RNF20: variants seen among roughly 807,000 people sequenced by gnomAD.
RNF20 encodes the protein E3 ubiquitin-protein ligase BRE1A.
In RNF20, 84 loss-of-function variants were observed where a neutral mutation model predicts 126.2. The ratio of observed to expected loss-of-function variants is 0.67; its 90% CI spans 0.56 to 0.80. The LOEUF (loss-of-function observed/expected upper bound fraction) is 0.80, where lower values mean the gene tolerates loss of function less well. Among genes scored for constraint, RNF20 ranks in the 30% least tolerant of loss-of-function variants. The probability of loss-of-function intolerance (pLI) is 0.00; values close to 1 mark genes in which losing one functional copy is unlikely to be tolerated. For missense variants in RNF20, 869 were observed against 1,188.2 expected (o/e 0.73, Z 3.95); for synonymous variants, 400 against 414.3 (o/e 0.97, Z 0.42).
At chr9:101,551,460 C>G (rs1827443368) in intron 10 of RNF20, among the ~76,000 whole-genome samples, 1 of 151,978 alleles carries the variant, frequency 6.6e-6, no homozygotes, top group Non-Finnish European at 1.5e-5. Flanking sequence ...TGTTTATATA[C>G]TGTTTTATAG....
rs1361649826 is a variant in RNF20, at chr9:101,535,491, C to T, written c.68C>T (p.Ala23Val). Residue 23 changes from alanine to valine, a missense_variant, in exon 2 of 20, where the codon GCA (alanine) becomes GTA (valine). Transcript: ENST00000389120. Reference protein sequence around the residue: ...PGTSMPPEKKAAVEDSGTTVE... With the variant: ...PGTSMPPEKKVAVEDSGTTVE... ...ACCTCCATGCCTCCTGAGAAGAAGG[C>T]AGCTGTTGAAGATTCAGGGACCACA... 1.2e-6 allele frequency: 2 copies of T among 1,613,766 alleles called. No homozygotes were observed. Among genetic ancestry groups the T allele is most frequent in the Non-Finnish European group, 1.7e-6 (2 of 1,179,880 alleles).
At chr9:101,557,656 T>C in intron 16 of RNF20, 60 bp downstream of exon 16, 3 of 1,278,692 alleles carry the variant, frequency 2.3e-6, no homozygotes, top group Non-Finnish European at 3.3e-6. Flanking sequence ...TACATGATGA[T>C]ATAAGTAAAA....
At chr9:101,540,425 A>G (rs1299158724) in intron 3 of RNF20, 55 bp downstream of exon 3, 1 of 1,611,398 alleles carries the variant, frequency 6.2e-7, no homozygotes, top group African/African-American at 1.3e-5. Context: ...AGTTCTCCTT[A>G]CTGTTCTCTT....
intron 5 of RNF20, among the ~76,000 whole-genome samples, chr9:101,542,233 T>A (rs1197399142): frequency 6.6e-6 from 1 of 152,250 alleles, no homozygotes; most frequent in African/African-American, 2.4e-5. Flanking sequence ...CTTTTGCTTT[T>A]CCATTAGATT....
chr9:101,552,095 T>C, intron 11 of RNF20, 46 bp from the exon 12 acceptor site: 2 of 1,613,390 alleles, frequency 1.2e-6, no homozygotes, highest in Non-Finnish European at 1.7e-6. Flanking sequence ...CTTGTGCCTT[T>C]GCCCTTACCA....
chr9:101,535,489 GGCAGCT>G lies in RNF20; in HGVS notation c.68_73del (p.Ala23_Ala24del). 6.2e-7 allele frequency: 1 copy of G among 1,614,018 alleles called. No individual in the cohort carries two copies. Among genetic ancestry groups the G allele is most frequent in the Non-Finnish European group, 8.5e-7 (1 of 1,179,946 alleles). ...GCACCTCCATGCCTCCTGAGAAGAA[GGCAGCT>G]GTTGAAGATTCAGGGACCACAGTGG... On this transcript the variant is annotated inframe_deletion, in exon 2 of 20. Coordinates refer to ENST00000389120, the MANE Select transcript of RNF20 (RefSeq NM_019592.7).
At chr9:101,551,280 C>A (rs919061990) in intron 10 of RNF20, among the ~76,000 whole-genome samples, 3 of 152,120 alleles carry the variant, frequency 2.0e-5, no homozygotes. Flanking sequence ...AAATTACTTA[C>A]ATTTCTTAAA....
intron 18 of RNF20, chr9:101,561,600 C>G: frequency 2.4e-6 from 1 of 410,282 alleles, no homozygotes; most frequent in Non-Finnish European, 4.4e-6. Flanking sequence ...TATTTTAAAC[C>G]GTTCTACCTT....
At chr9:101,550,200 G>C (rs912844901) in intron 9 of RNF20, among the ~76,000 whole-genome samples, 1 of 152,200 alleles carries the variant, frequency 6.6e-6, no homozygotes, top group Non-Finnish European at 1.5e-5. Flanking sequence ...AAATCAGATA[G>C]TTGCTTAGGA....
Position 101,557,446 on chromosome 9 carries a change from G to A in RNF20, c.2232G>A (p.Glu744=), listed in dbSNP as rs1827552172. Residue 744 remains glutamate (E), a synonymous_variant, in exon 16 of 20, where the codon GAG becomes GAA. Transcript: ENST00000389120. ...GCCAGGCCTTTGAAGACATGCAGGA[G>A]CAAAATATCCGTTTGATGCAGCAAT... ...VTGQAFEDMQ[E]QNIRLMQQLR... is the part of the protein sequence containing the mutation. 4 of 1,613,882 alleles carry A rather than the reference G, an allele frequency of 2.5e-6. No individual in the cohort carries two copies. In the South Asian group the frequency reaches 3.3e-5, roughly 13 times the overall value.
At chr9:101,547,992 C>G (rs1212353516) in intron 9 of RNF20, among the ~76,000 whole-genome samples, 1 of 151,960 alleles carries the variant, frequency 6.6e-6, no homozygotes, top group Non-Finnish European at 1.5e-5. Flanking sequence ...AATCAACATA[C>G]AAAAACAATT....
In RNF20 at chr9:101,544,753, T is replaced by C. The variant is rs749367672; in HGVS notation, c.629-14T>C. The C allele has an allele frequency of 6.5e-7, 1 of 1,537,876 alleles. No homozygotes were observed. The highest frequency in any genetic ancestry group is 9.0e-7 in the Non-Finnish European group (1 of 1,111,674). On this transcript the variant is annotated splice_polypyrimidine_tract_variant and intron_variant, in intron 5 of 19. Transcript: ENST00000389120. ...CTCTAGATGCTAAATTAAAGTATAG[T>C]TCTTCTTCCCCAGATAATCTGATAG...
rs974860474 is a variant in RNF20, at chr9:101,562,232, T to A, written c.2752-14T>A. 6.2e-7 allele frequency: 1 copy of A among 1,605,850 alleles called. No homozygotes were observed. Among genetic ancestry groups the A allele is most frequent in the African/African-American group, 1.3e-5 (1 of 74,802 alleles). On this transcript the variant is annotated splice_polypyrimidine_tract_variant and intron_variant, in intron 19 of 19. Transcript: ENST00000389120. ...TTTCATGGTTGTTCAAACTCTGACA[T>A]CTTTTCTTTTTAGGCACGCTTGACC... is the stretch of plus-strand genomic sequence containing the variant.
chr9:101,552,230 A>G lies in RNF20; in HGVS notation c.1498A>G (p.Lys500Glu). The change falls in exon 12 of 20, where the codon AAA becomes GAA. Residue 500 changes from lysine (K) to glutamate (E), a missense_variant. Around this residue, in one of 8 missense-constraint regions of RNF20, gnomAD observed 231 missense variants for 263.6 expected, o/e 0.88. Coordinates refer to ENST00000389120, the MANE Select transcript of RNF20 (RefSeq NM_019592.7). Reference protein sequence around the residue: ...LKGEVLRYKRKLREAQSDLNK... With the variant: ...LKGEVLRYKRELREAQSDLNK... ...AGGGGAGGTCCTGAGATATAAGCGG[A>G]AATTGAGAGAAGCCCAGTCTGACCT... 1.2e-6 allele frequency: 2 copies of G among 1,614,206 alleles called. No homozygotes were observed. The highest frequency in any genetic ancestry group is 1.7e-6 in the Non-Finnish European group (2 of 1,180,020).
At chr9:101,542,235 C>T (rs1025739182) in intron 5 of RNF20, among the ~76,000 whole-genome samples, 1 of 152,114 alleles carries the variant, frequency 6.6e-6, no homozygotes, top group Non-Finnish European at 1.5e-5. Context: ...TTTGCTTTTC[C>T]ATTAGATTAT....
Position 101,562,374 on chromosome 9 carries a change from T to C in RNF20, c.2880T>C (p.Cys960=). ...CCCGCCAGCGCAAATGTCCCAAGTG[T>C]AATGCTGCTTTTGGTGCCAATGATT... ...YDTRQRKCPK[C]NAAFGANDFH... The change falls in exon 20 of 20, where the codon TGT becomes TGC. Residue 960 remains cysteine (C), a synonymous_variant. Coordinates refer to ENST00000389120, the MANE Select transcript of RNF20 (RefSeq NM_019592.7). 6.2e-7 allele frequency: 1 copy of C among 1,614,000 alleles called. No homozygotes were observed. Among genetic ancestry groups the C allele is most frequent in the Admixed American group, 1.7e-5 (1 of 60,002 alleles).
chr9:101,533,884 G>A lies in RNF20; in HGVS notation c.-57G>A, dbSNP rs761244572. The A allele has an allele frequency of 7.0e-4, 107 of 152,514 alleles. No individual in the cohort carries two copies. Among genetic ancestry groups the A allele is most frequent in the Middle Eastern group, 6.8e-3 (2 of 296 alleles). The allele number at this position is 152,514 out of a possible 1,614,324, so 9.4% of individuals were successfully genotyped here. The stretch of plus-strand genomic sequence containing the variant: ...TGCCTTGTCTCCGCCGCGGGTCAGG[G>A]GTGAGAGCTGGAATCTCTGCACGGG... On this transcript the variant is annotated 5_prime_UTR_variant, in exon 1 of 20. Transcript: ENST00000389120.
At chr9:101,547,055 A>G (rs754709990) in intron 7 of RNF20, 82 bp from the exon 8 acceptor site, 204 of 1,603,404 alleles carry the variant, frequency 1.3e-4, no homozygotes, top group Non-Finnish European at 1.6e-4. Flanking sequence ...TTTGAGGAAA[A>G]AATCTCATCC....
At position 101,563,176 on chromosome 9, in the gene RNF20, T is replaced by A. The variant is rs1827652351; in HGVS notation, c.*754T>A. ...CAGGACTGAGCTGGTGAAGAAATCTTGTGGGTATTCTGGAAATTTGATACG... is the reference window on the plus strand; with the variant it reads ...CAGGACTGAGCTGGTGAAGAAATCTAGTGGGTATTCTGGAAATTTGATACG... On this transcript the variant is annotated 3_prime_UTR_variant, in exon 20 of 20. Coordinates refer to ENST00000389120, the MANE Select transcript of RNF20 (RefSeq NM_019592.7). The A allele has an allele frequency of 3.3e-5, 5 of 152,696 alleles. No individual in the cohort carries two copies. In the Middle Eastern group the frequency reaches 0.01, roughly 312 times the overall value. 9.5% of individuals were successfully genotyped at this position (152,696 alleles called of 1,614,324 possible).
Sources: allele counts gnomAD v4.1 joint callset (sites outside exome capture counted in the v4.1 genomes callset), GRCh38; gene constraint gnomAD v4.1.1; regional missense constraint gnomAD v4.1.1; transcripts MANE v1.5; gene names NCBI Gene and HGNC (gene_info 2026-07-23, HGNC 2026-07-21).